Variants in GAN observed in about 807,000 individuals in gnomAD.
GAN encodes gigaxonin.
GAN carries 48 observed loss-of-function variants against 71.3 expected under a neutral mutation model. That is an observed-to-expected ratio of 0.67 (90% CI 0.53 to 0.86). The LOEUF (loss-of-function observed/expected upper bound fraction) is 0.86, where lower values mean the gene tolerates loss of function less well. Ranked by LOEUF, GAN falls within the 40% of genes least tolerant of loss-of-function variation. GAN has a pLI of 0.00. For missense variants in GAN, 928 were observed against 770.1 expected, an observed-to-expected ratio of 1.21 and a Z score of -2.43; for synonymous variants, 386 against 276.8, an observed-to-expected ratio of 1.39 and a Z score of -3.92.
intron 1 of GAN, among the ~76,000 whole-genome samples, chr16:81,326,872 G>A (rs1049242116): frequency 1.3e-5 from 2 of 152,152 alleles, no homozygotes; most frequent in Non-Finnish European, 2.9e-5. Context: ...TGTCCATCAC[G>A]GACTGAAACA....
chr16:81,333,241 CAAA>C (rs34186926), intron 1 of GAN, among the ~76,000 whole-genome samples: 16 of 107,132 alleles, frequency 1.5e-4, no homozygotes, highest in East Asian at 3.2e-4. Context: ...GACTCCATCT[CAAA>C]AAAAAAAAAA....
chr16:81,379,622 T>G lies in GAN; in HGVS notation c.*2026T>G, dbSNP rs1335659360. The G allele has an allele frequency of 6.6e-6, 1 of 152,184 alleles. No individual in the cohort carries two copies. Among genetic ancestry groups the G allele is most frequent in the South Asian group, 2.1e-4 (1 of 4,824 alleles). The allele number at this position is 152,184 out of a possible 1,614,324, so 9.4% of individuals were successfully genotyped here. A position where few individuals can be genotyped will look rare whatever the true frequency, so the allele number is the denominator to read the frequency against. Reference sequence around the variant, plus strand: ...TTCTTTTTACAACTAGATATTAGTTTTAGAGGAAGGAAATAGCTGAAAAAC... The same window carrying G: ...TTCTTTTTACAACTAGATATTAGTTGTAGAGGAAGGAAATAGCTGAAAAAC... On this transcript the variant is annotated 3_prime_UTR_variant, in exon 11 of 11. Coordinates refer to ENST00000648994, the MANE Select transcript of GAN (RefSeq NM_022041.4).
chr16:81,321,038 G>A (rs1319254647), intron 1 of GAN, among the ~76,000 whole-genome samples: 1 of 151,924 alleles, frequency 6.6e-6, no homozygotes, highest in Admixed American at 6.6e-5. Context: ...TTTTATCCAG[G>A]CTTCTAAGGA....
Position 81,365,487 on chromosome 16 carries a change from G to A in GAN, c.1502+9G>A, listed in dbSNP as rs773282330. On this transcript the variant is annotated intron_variant, in intron 9 of 10. Coordinates refer to ENST00000648994, the MANE Select transcript of GAN (RefSeq NM_022041.4). ...CATGATGAGTTTAAAAGGTAACTAA[G>A]AATGGTTTCACATAGCTACTGCAAC... 4 of 1,613,018 alleles carry A rather than the reference G, an allele frequency of 2.5e-6. No individual in the cohort carries two copies. Among genetic ancestry groups the A allele is most frequent in the South Asian group, 2.2e-5 (2 of 91,012 alleles).
intron 3 of GAN, among the ~76,000 whole-genome samples, chr16:81,356,491 T>G (rs1910490381): frequency 6.6e-6 from 1 of 152,226 alleles, no homozygotes; most frequent in African/African-American, 2.4e-5. Flanking sequence ...TTCCTGTCTT[T>G]TCCTATTGAA....
At position 81,383,739 on chromosome 16, in the gene GAN, A is replaced by G. The variant is rs1904326421; in HGVS notation, c.*6143A>G. 6.6e-6 allele frequency: 1 copy of G among 152,112 alleles called. No individual in the cohort carries two copies. Among genetic ancestry groups the G allele is most frequent in the African/African-American group, 2.4e-5 (1 of 41,414 alleles). 9.4% of individuals were successfully genotyped at this position (152,112 alleles called of 1,614,324 possible). A position where few individuals can be genotyped will look rare whatever the true frequency, so the allele number is the denominator to read the frequency against. On this transcript the variant is annotated 3_prime_UTR_variant, in exon 11 of 11. Transcript: ENST00000648994. ...AGTCGTGATATGAATTAGAGAAGGAACAGGTGGAAAAGGATGGCAACACAC... is the reference window on the plus strand; with the variant it reads ...AGTCGTGATATGAATTAGAGAAGGAGCAGGTGGAAAAGGATGGCAACACAC...
At chr16:81,365,318 T>G in intron 8 of GAN, 32 bp from the exon 9 acceptor site, 2 of 1,613,510 alleles carry the variant, frequency 1.2e-6, no homozygotes, top group Non-Finnish European at 1.7e-6. Flanking sequence ...TTGTACAGCT[T>G]GTGCCTGATA....
Position 81,362,609 on chromosome 16 carries a change from G to C in GAN, c.1084G>C (p.Glu362Gln). Residue 362 changes from glutamate to glutamine, a missense_variant and splice_region_variant, in exon 6 of 11, where the codon GAG becomes CAG. Physicochemically the swap from Glu to Gln is conservative, Grantham distance 29 (BLOSUM62 2). Transcript: ENST00000648994. ...NTWTALPPMN[E>Q]ARHNFGIVEI... ...ATGGACAGCATTGCCACCTATGAAC[G>C]AGGTAAAACACTAGTTGGTTGGTTT... 1 of 1,429,670 alleles carries C rather than the reference G, an allele frequency of 7.0e-7. No individual in the cohort carries two copies. 88.6% of individuals were successfully genotyped at this position (1,429,670 alleles called of 1,614,324 possible).
At chr16:81,376,832 G>A (rs908300782) in intron 9 of GAN, among the ~76,000 whole-genome samples, 2 of 152,020 alleles carry the variant, frequency 1.3e-5, no homozygotes, top group Non-Finnish European at 2.9e-5. Context: ...AACCATAATT[G>A]TGCCACTGCA....
At position 81,377,830 on chromosome 16, in the gene GAN, A is replaced by G. The variant is rs1904287259; in HGVS notation, c.*234A>G. Reference sequence around the variant, plus strand: ...TTCCTCCAGTTAAATGTGGCTGTAGATGTTGGAGGCTAGGGAGGCTAGTAA... The same window carrying G: ...TTCCTCCAGTTAAATGTGGCTGTAGGTGTTGGAGGCTAGGGAGGCTAGTAA... On this transcript the variant is annotated 3_prime_UTR_variant, in exon 11 of 11. Transcript: ENST00000648994. The G allele has an allele frequency of 6.9e-6, 4 of 577,966 alleles. No homozygotes were observed. The highest frequency in any genetic ancestry group is 3.0e-5 in the Admixed American group (1 of 33,560). 35.8% of individuals were successfully genotyped at this position (577,966 alleles called of 1,614,324 possible). A position where few individuals can be genotyped will look rare whatever the true frequency, so the allele number is the denominator to read the frequency against.
At chr16:81,370,172 G>T (rs1452933131) in intron 9 of GAN, among the ~76,000 whole-genome samples, 1 of 152,192 alleles carries the variant, frequency 6.6e-6, no homozygotes, top group Non-Finnish European at 1.5e-5. Flanking sequence ...CTGTATATTA[G>T]TCCACAGAGA....
chr16:81,359,262 C>T (rs1910591487), intron 5 of GAN, among the ~76,000 whole-genome samples: 1 of 152,102 alleles, frequency 6.6e-6, no homozygotes, highest in African/African-American at 2.4e-5. Flanking sequence ...CACAAAGGCT[C>T]CTATATGACT....
At chr16:81,363,697 A>C in intron 6 of GAN, 97 bp from the exon 7 acceptor site, 1 of 1,293,978 alleles carries the variant, frequency 7.7e-7, no homozygotes, top group Non-Finnish European at 1.1e-6. Flanking sequence ...TATTTTTGCC[A>C]TCTTTATGTT....
chr16:81,365,066 C>T lies in GAN; in HGVS notation c.1329C>T (p.Pro443=), dbSNP rs761144583. Reference sequence around the variant, plus strand: ...TTGAGTCTGTAGAGTGTTATGATCCCAGGACCCAGCAGTGGACTGCCATAT... The same window carrying T: ...TTGAGTCTGTAGAGTGTTATGATCCTAGGACCCAGCAGTGGACTGCCATAT... ...KLFESVECYD[P]RTQQWTAICP... The change falls in exon 8 of 11, where the codon CCC becomes CCT. Residue 443 remains proline (P), a synonymous_variant. Transcript: ENST00000648994. 25 of 1,613,870 alleles carry T rather than the reference C, an allele frequency of 1.5e-5. No individual in the cohort carries two copies. Among genetic ancestry groups the T allele is most frequent in the Non-Finnish European group, 2.1e-5 (25 of 1,179,802 alleles).
chr16:81,315,640 A>G (rs1268292264), intron 1 of GAN, among the ~76,000 whole-genome samples: 1 of 152,032 alleles, frequency 6.6e-6, no homozygotes, highest in African/African-American at 2.4e-5. Context: ...GCCGGCCGGG[A>G]CCCGCACCTG....
At chr16:81,353,733 G>A (rs1910384883) in intron 2 of GAN, among the ~76,000 whole-genome samples, 1 of 151,906 alleles carries the variant, frequency 6.6e-6, no homozygotes, top group Admixed American at 6.6e-5. Context: ...GTCAGTGGAG[G>A]AAGAAGCATT....
intron 1 of GAN, among the ~76,000 whole-genome samples, chr16:81,321,250 G>C (rs187233842): frequency 6.6e-6 from 1 of 152,238 alleles, no homozygotes; most frequent in South Asian, 2.1e-4. Flanking sequence ...AGAGGGAAGT[G>C]TGGGGTGTTC....
rs75074169 is a variant in GAN, at chr16:81,363,719, TA to T, written c.1087-74del. The T allele has an allele frequency of 3.9e-4, 561 of 1,440,834 alleles. 5 individuals are homozygous for T. In the East Asian group the frequency reaches 0.011, roughly 27 times the overall value. 89.3% of individuals were successfully genotyped at this position (1,440,834 alleles called of 1,614,324 possible). A position where few individuals can be genotyped will look rare whatever the true frequency, so the allele number is the denominator to read the frequency against. The stretch of plus-strand genomic sequence containing the variant: ...GCCATCTTTATGTTTCTCTAATTTT[TA>T]TTAAGTGTATGAATATCAGCTTTCA... On this transcript the variant is annotated intron_variant, in intron 6 of 10. Transcript: ENST00000648994.
chr16:81,368,591 C>T (rs1156546583), intron 9 of GAN, among the ~76,000 whole-genome samples: 1 of 152,202 alleles, frequency 6.6e-6, no homozygotes, highest in Non-Finnish European at 1.5e-5. Flanking sequence ...TCCTGAGTGC[C>T]AGAGCAAGAC....
Sources: allele counts gnomAD v4.1 joint callset (sites outside exome capture counted in the v4.1 genomes callset), GRCh38; gene constraint gnomAD v4.1.1; transcripts MANE v1.5; gene names NCBI Gene and HGNC (gene_info 2026-07-23, HGNC 2026-07-21).